COL15A1: variants seen among roughly 807,000 people sequenced by gnomAD.
COL15A1 encodes the protein collagen alpha-1(XV) chain.
Under a neutral mutation model 165.9 loss-of-function variants are expected in COL15A1, and 111 were observed. The observed-to-expected ratio is 0.67, with a 90% CI of 0.57 to 0.78. The LOEUF (loss-of-function observed/expected upper bound fraction) is 0.78. COL15A1 is among the 30% of genes least tolerant of loss of function. COL15A1 has a pLI of 0.00. For synonymous variants in COL15A1, 659 were observed against 674.8 expected (o/e 0.98, Z 0.36); for missense variants, 1,745 against 1,789.7 (o/e 0.98, Z 0.45).
Position 99,042,070 on chromosome 9 carries a change from CT to C in COL15A1, c.2538del (p.Gly847ValfsTer8). 1 of 1,612,080 alleles carries C rather than the reference CT, an allele frequency of 6.2e-7. No homozygotes were observed. The highest frequency in any genetic ancestry group is 8.5e-7 in the Non-Finnish European group (1 of 1,178,770). ...FPGPRGPKGD[T>X]GLPGFPGLKG... is the part of the protein sequence containing the mutation. ...GGTCCTAGAGGACCAAAAGGTGACA[CT>C]GGTTTACCTGGCTTTCCAGGACTAA... On this transcript the variant is annotated frameshift_variant, in exon 24 of 42. Transcript: ENST00000375001. LOFTEE classifies it high-confidence loss of function.
Position 99,000,957 on chromosome 9 carries a change from T to A in COL15A1, c.1065+6T>A. The A allele has an allele frequency of 7.7e-7, 1 of 1,302,158 alleles. No homozygotes were observed. The highest frequency in any genetic ancestry group is 1.1e-6 in the Non-Finnish European group (1 of 895,214). The allele number at this position is 1,302,158 out of a possible 1,614,324, so 80.7% of individuals were successfully genotyped here. ...TTGACATTGCTGAAGAAAAGGTGAG[T>A]AGATGGTAAATTTCATTTGATTAGT... On this transcript the variant is annotated splice_donor_region_variant and intron_variant, in intron 7 of 41. Coordinates refer to ENST00000375001, the MANE Select transcript of COL15A1 (RefSeq NM_001855.5).
intron 30 of COL15A1, 55 bp from the exon 31 acceptor site, chr9:99,052,333 T>G: frequency 7.3e-7 from 1 of 1,367,620 alleles, no homozygotes; most frequent in Non-Finnish European, 1.0e-6. Context: ...TGCCTGTTTC[T>G]GCAAACACCA....
rs1588538524 is a variant in COL15A1, at chr9:99,059,799, G to A, written c.3338-90G>A. ...GCTTTGTGGCGCTGTGAATGGGGTT[G>A]AACACACTTCTCTCCGGGAGTCAGC... On this transcript the variant is annotated intron_variant, in intron 35 of 41. Coordinates refer to ENST00000375001, the MANE Select transcript of COL15A1 (RefSeq NM_001855.5). 6 of 1,440,596 alleles carry A rather than the reference G, an allele frequency of 4.2e-6. No individual in the cohort carries two copies. The East Asian group carries it at 1.4e-4, about 33-fold the overall frequency. 89.2% of individuals were successfully genotyped at this position (1,440,596 alleles called of 1,614,324 possible).
Position 98,981,143 on chromosome 9 carries a change from T to C in COL15A1, c.101-4422T>C, listed in dbSNP as rs112805356. ...AACCCATTGTAGCTTATTTATACCA[T>C]AGAGTACTGTTGTGAAAATATAAGG... On this transcript the variant is annotated intron_variant, in intron 2 of 41. Coordinates refer to ENST00000375001, the MANE Select transcript of COL15A1 (RefSeq NM_001855.5). Among the ~76,000 whole-genome samples, 237 of 152,272 alleles carry C rather than the reference T, an allele frequency of 1.6e-3. 1 individual carries two copies. Among genetic ancestry groups the C allele is most frequent in the Non-Finnish European group, 2.1e-3 (140 of 68,022 alleles).
At position 98,967,203 on chromosome 9, in the gene COL15A1, T is replaced by G. The variant is rs1329955243; in HGVS notation, c.101-18362T>G. ...ACAGAGTAGTGAGAAATTGGAGCTT[T>G]CTGTGAAACTGGCCCTGGGGTGGAA... On this transcript the variant is annotated intron_variant, in intron 2 of 41. Transcript: ENST00000375001. 2.6e-5 allele frequency among the ~76,000 whole-genome samples: 4 copies of G among 152,142 alleles called. No individual in the cohort carries two copies. In the East Asian group the frequency reaches 7.7e-4, roughly 29 times the overall value.
chr9:99,026,104 G>A (rs1839119812), intron 16 of COL15A1, 138 bp downstream of exon 16: 5 of 757,614 alleles, frequency 6.6e-6, no homozygotes, highest in Non-Finnish European at 1.1e-5. Context: ...CACTTCTGCT[G>A]GATGTCTCCA....
chr9:99,068,868 G>A (rs1269245443), intron 41 of COL15A1, among the ~76,000 whole-genome samples, 198 bp downstream of exon 41: 1 of 152,218 alleles, frequency 6.6e-6, no homozygotes, highest in Non-Finnish European at 1.5e-5. Context: ...GGAATCCTGG[G>A]CAAGACATTT....
rs763496528 is a variant in COL15A1, at chr9:99,042,036, T to G, written c.2512-9T>G. On this transcript the variant is annotated splice_polypyrimidine_tract_variant and intron_variant, in intron 23 of 41. Transcript: ENST00000375001. ...GAACAACCAAATACTATATAACAAT[T>G]CCTTCCAGGGTCCTAGAGGACCAAA... is the stretch of plus-strand genomic sequence containing the variant. 27 of 1,588,660 alleles carry G rather than the reference T, an allele frequency of 1.7e-5. No individual in the cohort carries two copies. The highest frequency in any genetic ancestry group is 2.3e-5 in the Non-Finnish European group (27 of 1,159,770).
intron 21 of COL15A1, among the ~76,000 whole-genome samples, 161 bp from the exon 22 acceptor site, chr9:99,038,507 A>T (rs1839344159): frequency 6.6e-6 from 1 of 152,230 alleles, no homozygotes; most frequent in Non-Finnish European, 1.5e-5. Flanking sequence ...CTGTTTTATA[A>T]GAAGGGGGAG....
At chr9:99,028,300 T>C (rs1302185561) in intron 16 of COL15A1, among the ~76,000 whole-genome samples, 4 of 152,182 alleles carry the variant, frequency 2.6e-5, no homozygotes, top group Non-Finnish European at 4.4e-5. Flanking sequence ...ATGATGCTCA[T>C]TAAGAATTCA....
intron 11 of COL15A1, 118 bp downstream of exon 11, chr9:99,016,237 G>A (rs1040131250): frequency 1.5e-6 from 2 of 1,342,784 alleles, no homozygotes; most frequent in Non-Finnish European, 2.0e-6. Context: ...TTTCATGTTG[G>A]TTTGCAAATT....
intron 2 of COL15A1, among the ~76,000 whole-genome samples, chr9:98,978,970 C>T (rs1330500113): frequency 6.6e-6 from 1 of 152,010 alleles, no homozygotes; most frequent in African/African-American, 2.4e-5. Flanking sequence ...ACATACATTT[C>T]CAACTGATAG....
At chr9:98,946,274 C>T (rs1837582446) in intron 2 of COL15A1, among the ~76,000 whole-genome samples, 1 of 152,180 alleles carries the variant, frequency 6.6e-6, no homozygotes. Context: ...TCCAAAGTCA[C>T]AAGACTTCTA....
intron 11 of COL15A1, among the ~76,000 whole-genome samples, chr9:99,017,276 A>G (rs1010988638): frequency 1.3e-5 from 2 of 152,020 alleles, no homozygotes; most frequent in Non-Finnish European, 2.9e-5. Context: ...AGGTAAAGTC[A>G]CCTGCCACTG....
chr9:99,009,360 C>A (rs1838812146), intron 9 of COL15A1, among the ~76,000 whole-genome samples: 2 of 152,194 alleles, frequency 1.3e-5, no homozygotes, highest in Non-Finnish European at 2.9e-5. Context: ...GAATTTCATA[C>A]AACTCTGAGC....
chr9:98,985,750 G>A lies in COL15A1; in HGVS notation c.286G>A (p.Val96Met), dbSNP rs370081942. 1.3e-4 allele frequency: 209 copies of A among 1,614,018 alleles called. No homozygotes were observed. Among genetic ancestry groups the A allele is most frequent in the South Asian group, 9.9e-5 (9 of 91,092 alleles). The change falls in exon 3 of 42, where the codon GTG becomes ATG. Residue 96 changes from valine (V) to methionine (M), a missense_variant. Coordinates refer to ENST00000375001, the MANE Select transcript of COL15A1 (RefSeq NM_001855.5). ...CTTCAGGGACTTCGCCATCAGCGTC[G>A]TGGTGAAGCCCAGCAGCACCCGTGG... ...TFFRDFAISVVVKPSSTRGGV... is the reference protein window; with the variant it reads ...TFFRDFAISVMVKPSSTRGGV...
chr9:99,026,305 C>T (rs1179127753), intron 16 of COL15A1, among the ~76,000 whole-genome samples: 1 of 152,164 alleles, frequency 6.6e-6, no homozygotes, highest in African/African-American at 2.4e-5. Flanking sequence ...GTCTGACCTC[C>T]ACATCTCTCA....
At chr9:99,034,621 T>TATACTCC in intron 17 of COL15A1, 37 bp downstream of exon 17, 1 of 1,329,792 alleles carries the variant, frequency 7.5e-7, no homozygotes. Context: ...AAAAGAACTT[T>TATACTCC]CTTCTCCCTC....
intron 21 of COL15A1, among the ~76,000 whole-genome samples, chr9:99,037,237 C>T (rs555067221): frequency 2.4e-4 from 37 of 152,354 alleles, no homozygotes; most frequent in Admixed American, 1.5e-3. Context: ...CTGACTCCTC[C>T]ACCTGCCCTC....
Sources: gnomAD v4.1 joint callset for allele counts (sites outside exome capture counted in the v4.1 genomes callset) on GRCh38, gnomAD v4.1.1 for gene constraint, MANE v1.5 for transcripts, NCBI Gene and HGNC (gene_info 2026-07-23, HGNC 2026-07-21) for gene names.